MED13: variants seen among roughly 807,000 people sequenced by gnomAD.
MED13 encodes the protein mediator complex subunit 13, also known as mediator of RNA polymerase II transcription subunit 13.
A neutral mutation model predicts 225.2 loss-of-function variants in MED13; 23 were observed. The ratio of observed to expected loss-of-function variants is 0.10; its 90% CI spans 0.07 to 0.14. The LOEUF is 0.14. Among genes scored for constraint, MED13 ranks in the 10% least tolerant of loss-of-function variants. The pLI is 1.00. For missense variants in MED13, 2,197 were observed against 2,594.5 expected, an observed-to-expected ratio of 0.85 and a Z score of 3.33; for synonymous variants, 942 against 889.2, an observed-to-expected ratio of 1.06 and a Z score of -1.06.
intron 8 of MED13, among the ~76,000 whole-genome samples, chr17:62,016,548 G>A (rs2080583491): frequency 6.6e-6 from 1 of 152,164 alleles, no homozygotes; most frequent in Non-Finnish European, 1.5e-5. Context: ...CAAGTTACAT[G>A]TAGCTATTAG....
intron 2 of MED13, among the ~76,000 whole-genome samples, chr17:62,053,093 C>T (rs1017488779): frequency 6.6e-6 from 1 of 152,058 alleles, no homozygotes; most frequent in Non-Finnish European, 1.5e-5. Context: ...GTCCTAATTC[C>T]CCTAGTCATT....
chr17:61,984,127 G>C (rs767029530), intron 15 of MED13, 44 bp downstream of exon 15: 1 of 1,288,176 alleles, frequency 7.8e-7, no homozygotes, highest in Admixed American at 3.0e-5. Context: ...AAAAATTAAA[G>C]CTGTATAAGC....
At chr17:61,947,194 GTTT>G (rs375146013) in intron 28 of MED13, among the ~76,000 whole-genome samples, 177 bp from the exon 29 acceptor site, 1 of 127,788 alleles carries the variant, frequency 7.8e-6, no homozygotes, top group Non-Finnish European at 1.7e-5. Context: ...TTATAGAAAT[GTTT>G]TTTTTTTTTT....
intron 9 of MED13, among the ~76,000 whole-genome samples, chr17:62,008,275 G>A (rs937171998): frequency 2.4e-5 from 3 of 127,364 alleles, no homozygotes; most frequent in Admixed American, 9.2e-5. Context: ...CAGGGATCGC[G>A]CAACTGTACT....
chr17:62,052,977 T>C (rs2080968903), intron 2 of MED13, among the ~76,000 whole-genome samples: 1 of 152,180 alleles, frequency 6.6e-6, no homozygotes, highest in Non-Finnish European at 1.5e-5. Flanking sequence ...CATACTGAAT[T>C]GGTTCCTGTA....
At chr17:62,001,608 T>A (rs1397876797) in intron 9 of MED13, among the ~76,000 whole-genome samples, 2 of 152,194 alleles carry the variant, frequency 1.3e-5, no homozygotes, top group African/African-American at 4.8e-5. Flanking sequence ...TCATTTCTCA[T>A]CATGACACAC....
Position 61,956,446 on chromosome 17 carries a change from C to A in MED13, c.5516G>T (p.Gly1839Val). ...RRKKSSARKF[G>V]LQKLWEWCLG... ...GCACCACTCCCAAAGTTTCTGTAGA[C>A]CAAATTTTCTAGCAGAACTTTTTTT... The change falls in exon 24 of 30, where the codon GGT becomes GTT. Residue 1839 changes from glycine (G) to valine (V), a missense_variant. Gly to Val is a moderately radical substitution (Grantham distance 109). This residue lies in a region of MED13 where 78 missense variants were observed against 82.1 expected (regional missense o/e 0.95). Coordinates refer to ENST00000397786, the MANE Select transcript of MED13 (RefSeq NM_005121.3). 6.2e-7 allele frequency: 1 copy of A among 1,612,774 alleles called. No homozygotes were observed.
Position 61,951,409 on chromosome 17 carries a change from T to C in MED13, c.6118-411A>G, listed in dbSNP as rs2079895432. ...TGTTAATCTAGCACTATCTATAAAATGCAGTTAATAGTGTTGTGAAAATTA... is the reference window on the plus strand; with the variant it reads ...TGTTAATCTAGCACTATCTATAAAACGCAGTTAATAGTGTTGTGAAAATTA... On this transcript the variant is annotated intron_variant, in intron 27 of 29. Transcript: ENST00000397786. 1.3e-5 allele frequency among the ~76,000 whole-genome samples: 2 copies of C among 152,210 alleles called. 1 individual carries two copies. The highest frequency in any genetic ancestry group is 1.3e-4 in the Admixed American group (2 of 15,274).
intron 2 of MED13, among the ~76,000 whole-genome samples, chr17:62,053,235 A>G (rs2080970908): frequency 6.6e-6 from 1 of 152,222 alleles, no homozygotes; most frequent in Non-Finnish European, 1.5e-5. Flanking sequence ...AGAGCCTAAC[A>G]AGCGGTGCAC....
At position 62,011,276 on chromosome 17, in the gene MED13, T is replaced by A. The variant is rs898883326; in HGVS notation, c.1284-43A>T. ...AGGTTTCATATTTACAGTATCACTA[T>A]TATGGCGAAGTATAATACCAGTTAA... On this transcript the variant is annotated intron_variant, in intron 8 of 29. Transcript: ENST00000397786. 2.6e-6 allele frequency: 4 copies of A among 1,540,688 alleles called. No homozygotes were observed. In the African/African-American group the frequency reaches 5.5e-5, roughly 21 times the overall value.
At chr17:61,986,178 G>A (rs188172715) in intron 12 of MED13, among the ~76,000 whole-genome samples, 1 of 152,196 alleles carries the variant, frequency 6.6e-6, no homozygotes, top group East Asian at 1.9e-4. Context: ...CTAGTAAAGG[G>A]TGCCCTAAAA....
rs764352447 is a variant in MED13, at chr17:62,010,847, C to T, written c.1670G>A (p.Ser557Asn). The T allele has an allele frequency of 1.7e-5, 27 of 1,614,092 alleles. No homozygotes were observed. In the Admixed American group the frequency reaches 4.3e-4, roughly 26 times the overall value. Reference sequence around the variant, plus strand: ...TGTTGGCATTTGATAAAAATGTTGACTCTGAGGAGTTGAAGGTGTTTTAGT... The same window carrying T: ...TGTTGGCATTTGATAAAAATGTTGATTCTGAGGAGTTGAAGGTGTTTTAGT... Reference protein sequence around the residue: ...GVTKTPSTPQSQHFYQMPTPD... With the variant: ...GVTKTPSTPQNQHFYQMPTPD... The change falls in exon 9 of 30, where the codon AGT becomes AAT. Residue 557 changes from serine to asparagine, a missense_variant. By Grantham distance (46) the Ser-to-Asn change is conservative. Coordinates refer to ENST00000397786, the MANE Select transcript of MED13 (RefSeq NM_005121.3).
intron 23 of MED13, 26 bp downstream of exon 23, chr17:61,960,841 T>A: frequency 6.9e-7 from 1 of 1,448,720 alleles, no homozygotes; most frequent in South Asian, 1.2e-5. Flanking sequence ...TGGAATGATA[T>A]GATATATTTA....
chr17:61,955,335 T>C (rs2079933159), intron 26 of MED13, 47 bp downstream of exon 26: 1 of 1,399,272 alleles, frequency 7.1e-7, no homozygotes, highest in Non-Finnish European at 9.5e-7. Flanking sequence ...CATGAATTTA[T>C]TTTGGGGGGT....
Position 61,992,520 on chromosome 17 carries a change from T to C in MED13, c.2263+20A>G. On this transcript the variant is annotated intron_variant, in intron 11 of 29. Coordinates refer to ENST00000397786, the MANE Select transcript of MED13 (RefSeq NM_005121.3). Reference sequence around the variant, plus strand: ...ACAATCCTGGAATGCAATATTTTCATTAGGAAATAAAGATTTTACCTTGCT... The same window carrying C: ...ACAATCCTGGAATGCAATATTTTCACTAGGAAATAAAGATTTTACCTTGCT... 1.3e-6 allele frequency: 2 copies of C among 1,507,304 alleles called. No individual in the cohort carries two copies. The highest frequency in any genetic ancestry group is 1.8e-6 in the Non-Finnish European group (2 of 1,084,106). 93.4% of individuals were successfully genotyped at this position (1,507,304 alleles called of 1,614,324 possible). A position where few individuals can be genotyped will look rare whatever the true frequency, so the allele number is the denominator to read the frequency against.
At chr17:62,044,146 G>A (rs546165790) in intron 3 of MED13, among the ~76,000 whole-genome samples, 109 of 151,838 alleles carry the variant, frequency 7.2e-4, no homozygotes, top group Non-Finnish European at 9.1e-4. Context: ...TGGAGAGCAC[G>A]AGATAATGTA....
intron 3 of MED13, 149 bp downstream of exon 3, chr17:62,052,388 A>C: frequency 2.1e-6 from 1 of 486,146 alleles, no homozygotes; most frequent in East Asian, 3.5e-5. Flanking sequence ...GGTTTAAAAA[A>C]AAAAAAAACC....
chr17:61,962,158 C>A (rs148147220), intron 21 of MED13, among the ~76,000 whole-genome samples: 1 of 151,888 alleles, frequency 6.6e-6, no homozygotes, highest in Non-Finnish European at 1.5e-5. Context: ...TGGTGGCATG[C>A]GCCTGTAGTC....
In MED13 at chr17:62,015,954, ATTTTTTTTTT is replaced by A. The variant is rs869061252; in HGVS notation, c.1284-4731_1284-4722del. On this transcript the variant is annotated intron_variant, in intron 8 of 29. Transcript: ENST00000397786. ...TATATATATATATATATATATATAT[ATTTTTTTTTT>A]TTTTTTTTTTTTTTTTTTTAGTAGA... Among the ~76,000 whole-genome samples the A allele has an allele frequency of 5.0e-3, 64 of 12,872 alleles. 1 individual carries two copies. Among genetic ancestry groups the A allele is most frequent in the African/African-American group, 0.019 (45 of 2,372 alleles). 8.4% of individuals were successfully genotyped at this position (12,872 alleles called of 152,430 possible).
Sources: allele counts gnomAD v4.1 joint callset (sites outside exome capture counted in the v4.1 genomes callset), GRCh38; gene constraint gnomAD v4.1.1; regional missense constraint gnomAD v4.1.1; transcripts MANE v1.5; gene names NCBI Gene and HGNC (gene_info 2026-07-23, HGNC 2026-07-21).